The following MICALL1 variants were observed in gnomAD, a reference collection of about 807,000 sequenced individuals.
MICALL1 encodes the protein MICAL-like protein 1.
Under a neutral mutation model 83.7 loss-of-function variants are expected in MICALL1, and 61 were observed. The observed-to-expected ratio is 0.73, with a 90% CI of 0.59 to 0.90. MICALL1 has a LOEUF of 0.90. MICALL1 is among the 40% of genes least tolerant of loss of function. MICALL1 has a pLI of 0.00. For missense variants in MICALL1, 1,066 were observed against 1,152.0 expected, an observed-to-expected ratio of 0.93 and a Z score of 1.08; for synonymous variants, 481 against 473.6, an observed-to-expected ratio of 1.02 and a Z score of -0.20.
In MICALL1 at chr22:37,935,538, C is replaced by T. The variant is rs182639131; in HGVS notation, c.2309-1542C>T. On this transcript the variant is annotated intron_variant, in intron 13 of 15. Coordinates refer to ENST00000215957, the MANE Select transcript of MICALL1 (RefSeq NM_033386.4). ...CCTCCCAAAGTGCTGGGATTACAGG[C>T]GTGAGCCACCGCACCCGGCCTATTA... Among the ~76,000 whole-genome samples the T allele has an allele frequency of 1.2e-3, 176 of 152,034 alleles. 6 individuals carry two copies. The East Asian group carries it at 0.032, about 27-fold the overall frequency.
At position 37,912,487 on chromosome 22, in the gene MICALL1, G is replaced by A. The variant is rs866684089; in HGVS notation, c.332G>A (p.Gly111Asp). 1 of 1,605,664 alleles carries A rather than the reference G, an allele frequency of 6.2e-7. No individual in the cohort carries two copies. The highest frequency in any genetic ancestry group is 8.5e-7 in the Non-Finnish European group (1 of 1,173,630). The change falls in exon 3 of 16, where the codon GGC (glycine) becomes GAC (aspartate). Residue 111 changes from glycine to aspartate, a missense_variant. Physicochemically the swap from Gly to Asp is moderately conservative, Grantham distance 94. Coordinates refer to ENST00000215957, the MANE Select transcript of MICALL1 (RefSeq NM_033386.4). ...TATTACAACCACTTCTGCAGTCCTGGCCAAGGTGAGAGGGGGACTCAGCGT... is the reference window on the plus strand; with the variant it reads ...TATTACAACCACTTCTGCAGTCCTGACCAAGGTGAGAGGGGGACTCAGCGT... Reference protein sequence around the residue: ...SQYYNHFCSPGQAGVSPPRKG... With the variant: ...SQYYNHFCSPDQAGVSPPRKG...
chr22:37,927,248 C>T (rs1460183592), intron 8 of MICALL1, 163 bp from the exon 9 acceptor site: 2 of 806,610 alleles, frequency 2.5e-6, no homozygotes, highest in South Asian at 2.3e-5. Flanking sequence ...TGACTTCCGT[C>T]CTGCCGGGCG....
intron 6 of MICALL1, among the ~76,000 whole-genome samples, chr22:37,922,749 A>G (rs1016842103): frequency 7.2e-6 from 1 of 139,220 alleles, no homozygotes; most frequent in African/African-American, 2.7e-5. Context: ...AGCTGGGATT[A>G]CAGGCATGCG....
intron 3 of MICALL1, among the ~76,000 whole-genome samples, chr22:37,916,148 G>A (rs999529972): frequency 6.6e-6 from 1 of 152,168 alleles, no homozygotes; most frequent in Non-Finnish European, 1.5e-5. Context: ...GGCCCTCTCT[G>A]GGCAGCCTGG....
At chr22:37,923,300 C>T (rs905568696) in intron 6 of MICALL1, among the ~76,000 whole-genome samples, 9 of 152,140 alleles carry the variant, frequency 5.9e-5, no homozygotes, top group Non-Finnish European at 8.8e-5. Context: ...AATCTCGGCT[C>T]ACTGCAATCT....
At position 37,925,827 on chromosome 22, in the gene MICALL1, G is replaced by A; in HGVS notation, c.1249G>A (p.Ala417Thr). 1 of 1,613,852 alleles carries A rather than the reference G, an allele frequency of 6.2e-7. No homozygotes were observed. The highest frequency in any genetic ancestry group is 8.5e-7 in the Non-Finnish European group (1 of 1,180,000). Residue 417 changes from alanine to threonine, a missense_variant, in exon 8 of 16, where the codon GCC (alanine) becomes ACC (threonine). Physicochemically the swap from Ala to Thr is moderately conservative, Grantham distance 58. Coordinates refer to ENST00000215957, the MANE Select transcript of MICALL1 (RefSeq NM_033386.4). ...TEEVAQPSPTASLESKPYNPF... is the reference protein window; with the variant it reads ...TEEVAQPSPTTSLESKPYNPF... ...GGAGGTGGCCCAGCCGAGCCCAACG[G>A]CCAGCCTGGAGTCCAAACCCTATAA...
At chr22:37,935,520 A>G (rs1343404167) in intron 13 of MICALL1, among the ~76,000 whole-genome samples, 2 of 151,570 alleles carry the variant, frequency 1.3e-5, no homozygotes, top group East Asian at 3.9e-4. Flanking sequence ...CGGCCTCCCA[A>G]AGTGCTGGGA....
chr22:37,919,078 G>A lies in MICALL1; in HGVS notation c.469G>A (p.Gly157Ser), dbSNP rs768816566. 35 of 1,552,248 alleles carry A rather than the reference G, an allele frequency of 2.3e-5. No individual in the cohort carries two copies. The East Asian group carries it at 4.9e-4, about 22-fold the overall frequency. Residue 157 changes from glycine to serine, a missense_variant, in exon 5 of 16, where the codon GGC becomes AGC. Physicochemically the swap from Gly to Ser is moderately conservative, Grantham distance 56. Transcript: ENST00000215957. ...SSGSLSEQGT[G>S]QTPSSTCAAC... ...AGGCAGCCTGTCAGAGCAGGGCACC[G>A]GCCAGACCCCCAGCAGCACGTGCGC...
rs965581071 is a variant in MICALL1 at position 37,941,312 on chromosome 22, C to G, written c.*482C>G. The G allele has an allele frequency of 1.3e-5, 2 of 157,444 alleles. No homozygotes were observed. The highest frequency in any genetic ancestry group is 4.8e-5 in the African/African-American group (2 of 41,596). The allele number at this position is 157,444 out of a possible 1,614,324, so 9.8% of individuals were successfully genotyped here. A position where few individuals can be genotyped will look rare whatever the true frequency, so the allele number is the denominator to read the frequency against. On this transcript the variant is annotated 3_prime_UTR_variant, in exon 16 of 16. Transcript: ENST00000215957. ...TGTCTTCCTGTCCTGTGCAGGCGCC[C>G]TTGGATCTCAGTTTCCCTCACTCAG...
At chr22:37,927,321 T>C in intron 8 of MICALL1, 90 bp from the exon 9 acceptor site, 2 of 1,380,884 alleles carry the variant, frequency 1.4e-6, no homozygotes, top group Non-Finnish European at 1.9e-6. Flanking sequence ...TGGGGCTGCC[T>C]GCGGCTCTGT....
At chr22:37,926,102 TG>T in intron 8 of MICALL1, 59 bp downstream of exon 8, 1 of 1,087,668 alleles carries the variant, frequency 9.2e-7, no homozygotes. Flanking sequence ...GGCCCGGGCC[TG>T]GGGAGGGGGT....
rs758665675 is a variant in MICALL1, at chr22:37,937,103, C to T, written c.2332C>T (p.Arg778Trp). ...AGAAAAGGACTGGACGGAGGAGGAC[C>T]GGGCCCGGGAGAAGGTGCTGATGCA... ...KPEKDWTEED[R>W]AREKVLMQEL... Residue 778 changes from arginine to tryptophan, a missense_variant, in exon 14 of 16, where the codon CGG becomes TGG. Coordinates refer to ENST00000215957, the MANE Select transcript of MICALL1 (RefSeq NM_033386.4). 151 of 1,551,542 alleles carry T rather than the reference C, an allele frequency of 9.7e-5. No homozygotes were observed. Among genetic ancestry groups the T allele is most frequent in the Non-Finnish European group, 1.2e-4 (134 of 1,146,954 alleles).
In MICALL1 at chr22:37,941,063, T is replaced by A; in HGVS notation, c.*233T>A. ...AGCGGTGATTCAGCCCTGCCCAACC[T>A]GATTCTGATGACTGCGGATGCTGTG... On this transcript the variant is annotated 3_prime_UTR_variant, in exon 16 of 16. Coordinates refer to ENST00000215957, the MANE Select transcript of MICALL1 (RefSeq NM_033386.4). 2.2e-6 allele frequency: 1 copy of A among 463,044 alleles called. No individual in the cohort carries two copies. The highest frequency in any genetic ancestry group is 3.9e-6 in the Non-Finnish European group (1 of 255,714). The allele number at this position is 463,044 out of a possible 1,614,324, so 28.7% of individuals were successfully genotyped here. A position where few individuals can be genotyped will look rare whatever the true frequency, so the allele number is the denominator to read the frequency against.
At chr22:37,931,485 G>A (rs1929783994) in intron 9 of MICALL1, among the ~76,000 whole-genome samples, 1 of 152,190 alleles carries the variant, frequency 6.6e-6, no homozygotes, top group Non-Finnish European at 1.5e-5. Flanking sequence ...GCCCCAGGAG[G>A]CTGAGGCTGC....
chr22:37,934,585 T>G (rs1369835520), intron 13 of MICALL1, among the ~76,000 whole-genome samples: 2 of 150,918 alleles, frequency 1.3e-5, no homozygotes, highest in East Asian at 1.9e-4. Context: ...GGGGGGGTAT[T>G]TATTTATTTA....
At chr22:37,938,746 G>A (rs1383579289) in intron 15 of MICALL1, among the ~76,000 whole-genome samples, 3 of 151,428 alleles carry the variant, frequency 2.0e-5, no homozygotes, top group Non-Finnish European at 4.4e-5. Context: ...AGCTTCCTCA[G>A]TAGCTGGGAT....
At chr22:37,928,209 T>A (rs906029416) in intron 9 of MICALL1, among the ~76,000 whole-genome samples, 6 of 151,140 alleles carry the variant, frequency 4.0e-5, no homozygotes, top group South Asian at 2.1e-4. Context: ...CTTGGCCTTC[T>A]TTTTTATTTT....
chr22:37,912,326 G>T (rs370888784), intron 2 of MICALL1, 25 bp from the exon 3 acceptor site: 4 of 1,587,870 alleles, frequency 2.5e-6, no homozygotes, highest in Middle Eastern at 1.7e-4. Context: ...GGCTGCTCCC[G>T]CCCTTGTACC....
intron 3 of MICALL1, among the ~76,000 whole-genome samples, chr22:37,914,907 G>T (rs910457540): frequency 6.6e-6 from 1 of 151,008 alleles, no homozygotes; most frequent in African/African-American, 2.4e-5. Context: ...CTCCCAAAGT[G>T]CTGGGATTAC....
Sources: gnomAD v4.1 joint callset for allele counts (sites outside exome capture counted in the v4.1 genomes callset) on GRCh38, gnomAD v4.1.1 for gene constraint, MANE v1.5 for transcripts, NCBI Gene and HGNC (gene_info 2026-07-23, HGNC 2026-07-21) for gene names.